IGSF9: variants seen among roughly 807,000 people sequenced by gnomAD.
IGSF9 encodes immunoglobulin superfamily member 9.
In IGSF9, 87 loss-of-function variants were observed where a neutral mutation model predicts 121.7. The ratio of observed to expected loss-of-function variants is 0.71; its 90% CI spans 0.60 to 0.85. The LOEUF (loss-of-function observed/expected upper bound fraction) is 0.85, where lower values mean the gene tolerates loss of function less well. IGSF9 is among the 40% of genes least tolerant of loss of function. IGSF9 has a pLI of 0.00. For synonymous variants in IGSF9, 640 were observed against 648.4 expected, an observed-to-expected ratio of 0.99 and a Z score of 0.20; for missense variants, 1,462 against 1,565.3, an observed-to-expected ratio of 0.93 and a Z score of 1.11.
In IGSF9 at chr1:159,928,402, A is replaced by C; in HGVS notation, c.2986T>G (p.Tyr996Asp). ...AGTGTCCAGTCAGCCAGGGCTGTGT[A>C]AGGGGGCTCTGCAGTGGCCCCAGCC... ...VGAGATAEPP[Y>D]TALADWTLRE... is the part of the protein sequence containing the mutation. Residue 996 changes from tyrosine to aspartate, a missense_variant, in exon 19 of 21, where the codon TAC (tyrosine) becomes GAC (aspartate). Around this residue, in one of 3 missense-constraint regions of IGSF9, gnomAD observed 808 missense variants for 815.2 expected, o/e 0.99. Transcript: ENST00000368094. 1 of 1,608,654 alleles carries C rather than the reference A, an allele frequency of 6.2e-7. No individual in the cohort carries two copies. Among genetic ancestry groups the C allele is most frequent in the South Asian group, 1.1e-5 (1 of 90,346 alleles).
In IGSF9 at chr1:159,928,269, G is replaced by T; in HGVS notation, c.3119C>A (p.Ala1040Asp). 1 of 1,613,092 alleles carries T rather than the reference G, an allele frequency of 6.2e-7. No individual in the cohort carries two copies. The part of the protein sequence containing the change: ...SASFLRPPST[A>D]PSAGGSYLSP... The stretch of plus-strand genomic sequence containing the variant: ...GAGGTAGCTGCCTCCTGCAGAGGGG[G>T]CTGTGGAGGGGGGCCGCAGGAACGA... Residue 1040 changes from alanine (A) to aspartate (D), a missense_variant, in exon 19 of 21, where the codon GCC becomes GAC. By Grantham distance (126) the Ala-to-Asp change is moderately radical. Around this residue, in one of 3 missense-constraint regions of IGSF9, gnomAD observed 808 missense variants for 815.2 expected, o/e 0.99. Coordinates refer to ENST00000368094, the MANE Select transcript of IGSF9 (RefSeq NM_001135050.2).
In IGSF9 at chr1:159,931,190, G is replaced by C; in HGVS notation, c.1585C>G (p.Pro529Ala). 1.2e-6 allele frequency: 2 copies of C among 1,614,116 alleles called. No individual in the cohort carries two copies. The highest frequency in any genetic ancestry group is 1.3e-5 in the African/African-American group (1 of 75,030). The stretch of plus-strand genomic sequence containing the variant: ...TGCAGATAACCACCATCAAAGCCAG[G>C]CTCCCAGGAGACATTGGCACCCTTG... ...LPKGANVSWE[P>A]GFDGGYLQRF... is the part of the protein sequence containing the mutation. The change falls in exon 13 of 21, where the codon CCT becomes GCT. Residue 529 changes from proline to alanine, a missense_variant. Pro to Ala is a conservative substitution (Grantham distance 27, BLOSUM62 -1). Coordinates refer to ENST00000368094, the MANE Select transcript of IGSF9 (RefSeq NM_001135050.2). This position sits in a 1 kb window ranked among gnomAD's most constrained non-coding sequence, Gnocchi z 4.8.
chr1:159,939,237 T>C (rs1651296565), intron 3 of IGSF9, among the ~76,000 whole-genome samples: 3 of 151,100 alleles, frequency 2.0e-5, no homozygotes, highest in Admixed American at 2.0e-4. Context: ...TGGAGCTTTC[T>C]TTTTTTTTAG....
Position 159,931,361 on chromosome 1 carries a change from G to A in IGSF9, c.1513+92C>T. On this transcript the variant is annotated intron_variant, in intron 12 of 20. Coordinates refer to ENST00000368094, the MANE Select transcript of IGSF9 (RefSeq NM_001135050.2). This position sits in a 1 kb window ranked among gnomAD's most constrained non-coding sequence, Gnocchi z 4.8. The stretch of plus-strand genomic sequence containing the variant: ...CTGACCTTCACCCATCATCATCCCA[G>A]GGGTCCCACACCCATGATCCTCTTT... 6.3e-7 allele frequency: 1 copy of A among 1,598,212 alleles called. No individual in the cohort carries two copies. Among genetic ancestry groups the A allele is most frequent in the Non-Finnish European group, 8.5e-7 (1 of 1,170,000 alleles).
rs202112627 is a variant in IGSF9, at chr1:159,934,811, T to C, written c.685A>G (p.Ile229Val). 3.1e-6 allele frequency: 5 copies of C among 1,614,090 alleles called. No individual in the cohort carries two copies. In the African/African-American group the frequency reaches 6.7e-5, roughly 22 times the overall value. Residue 229 changes from isoleucine to valine, a missense_variant, in exon 7 of 21, where the codon ATC becomes GTC. Coordinates refer to ENST00000368094, the MANE Select transcript of IGSF9 (RefSeq NM_001135050.2). Reference protein sequence around the residue: ...TQLLVLGPPVIVVPPKNSTVN... With the variant: ...TQLLVLGPPVVVVPPKNSTVN... ...GTGCTGTTCTTGGGGGGCACCACGA[T>C]GACTGGGGGTCCTGTGGGATGCACA...
chr1:159,943,326 A>T, intron 2 of IGSF9, 71 bp downstream of exon 2: 1 of 1,422,750 alleles, frequency 7.0e-7, no homozygotes, highest in South Asian at 1.5e-5. Context: ...TCAAAGAGGA[A>T]CCCTTGAGGA....
chr1:159,935,282 G>A (rs1651144793), intron 6 of IGSF9, among the ~76,000 whole-genome samples: 1 of 152,166 alleles, frequency 6.6e-6, no homozygotes. Flanking sequence ...AGCCCCTTGA[G>A]CCACAGAACA....
At position 159,943,154 on chromosome 1, in the gene IGSF9, GC is replaced by G; in HGVS notation, c.59-4del. On this transcript the variant is annotated splice_polypyrimidine_tract_variant and splice_region_variant and intron_variant, in intron 2 of 20. Coordinates refer to ENST00000368094, the MANE Select transcript of IGSF9 (RefSeq NM_001135050.2). ...TACCACCTCAGGCTTCCCTCGACCT[GC>G]ATGATGGGTGGCATGAGGGCACAAC... is the stretch of plus-strand genomic sequence containing the variant. 1.9e-6 allele frequency: 3 copies of G among 1,581,882 alleles called. No individual in the cohort carries two copies. The highest frequency in any genetic ancestry group is 2.6e-6 in the Non-Finnish European group (3 of 1,168,060).
intron 19 of IGSF9, 54 bp downstream of exon 19, chr1:159,928,104 G>C: frequency 6.3e-7 from 1 of 1,576,486 alleles, no homozygotes; most frequent in Non-Finnish European, 8.6e-7. Context: ...AGAGGGGTGA[G>C]AGGTCTGGGG....
chr1:159,928,911 G>A lies in IGSF9; in HGVS notation c.2477C>T (p.Thr826Ile), dbSNP rs972117901. The A allele has an allele frequency of 3.1e-6, 5 of 1,589,972 alleles. No individual in the cohort carries two copies. The Admixed American group carries it at 7.2e-5, about 23-fold the overall frequency. ...QSLLWGDPAG[T>I]PSPHPDPPSS... ...TGGAGGATCCGGGTGGGGGCTGGGA[G>A]TTCCGGCAGGATCCCCCCAGAGCAG... The change falls in exon 19 of 21, where the codon ACT becomes ATT. Residue 826 changes from threonine to isoleucine, a missense_variant. Thr to Ile is a moderately conservative substitution (Grantham distance 89). This residue lies in a region of IGSF9 where 808 missense variants were observed against 815.2 expected (regional missense o/e 0.99). Coordinates refer to ENST00000368094, the MANE Select transcript of IGSF9 (RefSeq NM_001135050.2).
chr1:159,929,567 C>G, intron 17 of IGSF9, 71 bp downstream of exon 17: 1 of 1,521,556 alleles, frequency 6.6e-7, no homozygotes, highest in East Asian at 2.3e-5. Flanking sequence ...GGGCTTTTCC[C>G]CCAGGTAGGA....
chr1:159,927,745 G>T lies in IGSF9; in HGVS notation c.3358+15C>A. On this transcript the variant is annotated intron_variant, in intron 20 of 20. Coordinates refer to ENST00000368094, the MANE Select transcript of IGSF9 (RefSeq NM_001135050.2). ...GTATGGCCGAGATGCCTGCCTTTCC[G>T]GGGGGCTCACACACCTAGCTCTGGC... 1.2e-6 allele frequency: 2 copies of T among 1,609,122 alleles called. No individual in the cohort carries two copies. Among genetic ancestry groups the T allele is most frequent in the Non-Finnish European group, 1.7e-6 (2 of 1,178,220 alleles).
Position 159,927,290 on chromosome 1 carries a change from T to C in IGSF9, c.*55A>G. On this transcript the variant is annotated 3_prime_UTR_variant, in exon 21 of 21. Coordinates refer to ENST00000368094, the MANE Select transcript of IGSF9 (RefSeq NM_001135050.2). ...TCGTTTGAAACTAGGTCTGTCTGGT[T>C]GGGGGCCTCCTTTGCAGGTCCATAT... The C allele has an allele frequency of 6.2e-7, 1 of 1,603,412 alleles. No individual in the cohort carries two copies. Among genetic ancestry groups the C allele is most frequent in the Non-Finnish European group, 8.5e-7 (1 of 1,172,756 alleles).
chr1:159,931,248 A>G lies in IGSF9; in HGVS notation c.1527T>C (p.His509=), dbSNP rs139212991. ...TNVYVLGTSP[H]VVTNVSVVAL... is the part of the protein sequence containing the mutation. ...CCACCACGGACACATTGGTGACAAC[A>G]TGAGGGCTAGTGCCTAGGCAGGGGG... Residue 509 remains histidine (H), a synonymous_variant, in exon 13 of 21, where the codon CAT becomes CAC. Coordinates refer to ENST00000368094, the MANE Select transcript of IGSF9 (RefSeq NM_001135050.2). This position sits in a 1 kb window ranked among gnomAD's most constrained non-coding sequence, Gnocchi z 4.8. 37 of 1,613,990 alleles carry G rather than the reference A, an allele frequency of 2.3e-5. No individual in the cohort carries two copies. The highest frequency in any genetic ancestry group is 3.0e-5 in the Non-Finnish European group (35 of 1,179,990).
At chr1:159,938,275 G>A (rs892335593) in intron 3 of IGSF9, among the ~76,000 whole-genome samples, 1 of 152,116 alleles carries the variant, frequency 6.6e-6, no homozygotes, top group Non-Finnish European at 1.5e-5. Context: ...GAAAACCTCA[G>A]CAGTGTTTGA....
Position 159,937,682 on chromosome 1 carries a change from A to C in IGSF9, c.400+4T>G. On this transcript the variant is annotated splice_donor_region_variant and intron_variant, in intron 4 of 20. Coordinates refer to ENST00000368094, the MANE Select transcript of IGSF9 (RefSeq NM_001135050.2). The stretch of plus-strand genomic sequence containing the variant: ...TCTCCACCACCTGCCCCCCAGCTTC[A>C]TACAATTGACTGTCAGATGCACCCA... 2 of 1,612,980 alleles carry C rather than the reference A, an allele frequency of 1.2e-6. No individual in the cohort carries two copies. Among genetic ancestry groups the C allele is most frequent in the Non-Finnish European group, 1.7e-6 (2 of 1,179,188 alleles).
chr1:159,930,499 C>G lies in IGSF9; in HGVS notation c.1814-60G>C, dbSNP rs183310718. On this transcript the variant is annotated intron_variant, in intron 14 of 20. Coordinates refer to ENST00000368094, the MANE Select transcript of IGSF9 (RefSeq NM_001135050.2). ...TTCCCAGCGCCCCTCCCCTGGCCTT[C>G]CACAACTCCCAGTGCCCAACTCTTC... 119 of 1,517,802 alleles carry G rather than the reference C, an allele frequency of 7.8e-5. No individual in the cohort carries two copies. In the East Asian group the frequency reaches 2.6e-3, roughly 34 times the overall value. The allele number at this position is 1,517,802 out of a possible 1,614,324, so 94.0% of individuals were successfully genotyped here. A position where few individuals can be genotyped will look rare whatever the true frequency, so the allele number is the denominator to read the frequency against.
At chr1:159,929,842 A>G (rs1318964340) in intron 16 of IGSF9, 28 bp from the exon 17 acceptor site, 13 of 1,594,518 alleles carry the variant, frequency 8.2e-6, no homozygotes, top group Non-Finnish European at 1.1e-5. Flanking sequence ...AGGGAGGGTC[A>G]GTGGACTCGG....
chr1:159,934,554 C>T lies in IGSF9; in HGVS notation c.832G>A (p.Val278Met), dbSNP rs1288392108. The change falls in exon 8 of 21, where the codon GTG becomes ATG. Residue 278 changes from valine (V) to methionine (M), a missense_variant. Physicochemically the swap from Val to Met is conservative, Grantham distance 21. Transcript: ENST00000368094. ...VFHISRLQPR[V>M]RILVDGSLRL... is the part of the protein sequence containing the mutation. ...AGGCTCCCGTCCACCAGGATCCGCA[C>T]CCGGGGCTGCAGGCGGCTGCAATGT... The T allele has an allele frequency of 1.9e-6, 3 of 1,613,882 alleles. No individual in the cohort carries two copies. Among genetic ancestry groups the T allele is most frequent in the East Asian group, 2.2e-5 (1 of 44,874 alleles).
Sources: gnomAD v4.1 joint callset for allele counts (sites outside exome capture counted in the v4.1 genomes callset) on GRCh38, gnomAD v4.1.1 for gene constraint, gnomAD v4.1.1 regional missense constraint, Gnocchi (gnomAD v3.1) non-coding constraint, MANE v1.5 for transcripts, NCBI Gene and HGNC (gene_info 2026-07-23, HGNC 2026-07-21) for gene names.